Variants in NRIP1 observed in about 807,000 individuals in gnomAD.
NRIP1 encodes nuclear receptor-interacting protein 1.
Under a neutral mutation model 75.0 loss-of-function variants are expected in NRIP1, and 28 were observed. The observed-to-expected ratio is 0.37, with a 90% CI of 0.28 to 0.51. NRIP1 has a LOEUF of 0.51. Ranked by LOEUF, NRIP1 falls within the 20% of genes least tolerant of loss-of-function variation. The pLI is 0.92. For missense variants in NRIP1, 1,435 were observed against 1,343.7 expected (o/e 1.07, Z -1.06); for synonymous variants, 526 against 487.6 (o/e 1.08, Z -1.04).
At chr21:14,985,935 A>T (rs1000259850) in intron 3 of NRIP1, among the ~76,000 whole-genome samples, 22 of 152,238 alleles carry the variant, frequency 1.4e-4, no homozygotes, top group Non-Finnish European at 2.6e-4. Context: ...CTAAAACCAG[A>T]CATTCATTCT....
At chr21:15,011,315 G>C (rs979455151) in intron 3 of NRIP1, among the ~76,000 whole-genome samples, 1 of 151,874 alleles carries the variant, frequency 6.6e-6, no homozygotes, top group South Asian at 2.1e-4. Context: ...TCAGCCTCCC[G>C]AGTAGCTGGG....
intron 1 of NRIP1, among the ~76,000 whole-genome samples, chr21:15,054,873 C>T (rs908537931): frequency 2.6e-5 from 4 of 152,140 alleles, no homozygotes; most frequent in African/African-American, 9.7e-5. Context: ...ACAATCAGGG[C>T]GTACACAAAA....
At position 14,963,291 on chromosome 21, in the gene NRIP1, C is replaced by T. The variant is rs2086637610; in HGVS notation, c.*1425G>A. 1 of 152,450 alleles carries T rather than the reference C, an allele frequency of 6.6e-6. No individual in the cohort carries two copies. Among genetic ancestry groups the T allele is most frequent in the Admixed American group, 6.6e-5 (1 of 15,250 alleles). 9.4% of individuals were successfully genotyped at this position (152,450 alleles called of 1,614,324 possible). ...TTAAGGATGCATTCAGGAGAAGTTT[C>T]CAAACCATCCTGGAATCACCTGAGT... On this transcript the variant is annotated 3_prime_UTR_variant, in exon 4 of 4. Transcript: ENST00000318948.
intron 1 of NRIP1, among the ~76,000 whole-genome samples, chr21:15,047,840 G>C (rs774244159): frequency 4.6e-5 from 7 of 152,328 alleles, no homozygotes; most frequent in Admixed American, 3.9e-4. Context: ...TGGCACAAGA[G>C]GCCTAGCTTT....
At chr21:14,999,240 C>A (rs1014083758) in intron 3 of NRIP1, among the ~76,000 whole-genome samples, 6 of 152,110 alleles carry the variant, frequency 3.9e-5, no homozygotes, top group African/African-American at 1.4e-4. Flanking sequence ...GCCTCCCAAA[C>A]TGCTGGGCTT....
intron 3 of NRIP1, among the ~76,000 whole-genome samples, chr21:14,972,040 G>C (rs1333204066): frequency 5.9e-5 from 9 of 152,150 alleles, no homozygotes; most frequent in Non-Finnish European, 1.3e-4. Flanking sequence ...GTAAATCAAA[G>C]ATTGTGGTCA....
chr21:14,972,231 T>C (rs1333046584), intron 3 of NRIP1, among the ~76,000 whole-genome samples: 2 of 152,196 alleles, frequency 1.3e-5, no homozygotes, highest in Non-Finnish European at 2.9e-5. Context: ...GATATCTTCC[T>C]TTTCTATCTC....
chr21:14,973,678 A>ATTTT (rs11293384), intron 3 of NRIP1, among the ~76,000 whole-genome samples: 1 of 142,068 alleles, frequency 7.0e-6, no homozygotes, highest in Non-Finnish European at 1.5e-5. Flanking sequence ...AGCTCGCATA[A>ATTTT]TTTTTTTTTT....
At chr21:15,005,927 A>G (rs2087960651) in intron 3 of NRIP1, among the ~76,000 whole-genome samples, 1 of 152,210 alleles carries the variant, frequency 6.6e-6, no homozygotes, top group East Asian at 1.9e-4. Context: ...AGTGAATGTA[A>G]AACTTAAAGC....
intron 2 of NRIP1, among the ~76,000 whole-genome samples, chr21:15,031,552 C>T (rs1413887028): frequency 6.9e-6 from 1 of 145,768 alleles, no homozygotes; most frequent in African/African-American, 2.6e-5. Flanking sequence ...TGGAGGTTCA[C>T]CACATTCCCT....
chr21:14,987,441 AC>A (rs1458996951), intron 3 of NRIP1, among the ~76,000 whole-genome samples: 1 of 152,164 alleles, frequency 6.6e-6, no homozygotes, highest in South Asian at 2.1e-4. Flanking sequence ...TACCTTTCAA[AC>A]ATTAGAAACC....
At chr21:15,017,219 ATCAT>A (rs2088256032) in intron 2 of NRIP1, among the ~76,000 whole-genome samples, 2 of 152,082 alleles carry the variant, frequency 1.3e-5, no homozygotes, top group South Asian at 4.1e-4. Context: ...CATTACTATT[ATCAT>A]TATTATTTTT....
chr21:14,989,357 A>AAAGTAG (rs2087504231), intron 3 of NRIP1, among the ~76,000 whole-genome samples: 1 of 152,154 alleles, frequency 6.6e-6, no homozygotes, highest in Non-Finnish European at 1.5e-5. Flanking sequence ...ACAGAATTTC[A>AAAGTAG]TATTTCTTAT....
chr21:15,033,474 T>G (rs180785475), intron 2 of NRIP1, among the ~76,000 whole-genome samples: 35 of 152,284 alleles, frequency 2.3e-4, no homozygotes, highest in African/African-American at 7.5e-4. Context: ...ACAGCCTGTG[T>G]CAACTTCAAT....
chr21:14,971,741 C>G (rs1457641807), intron 3 of NRIP1, among the ~76,000 whole-genome samples: 2 of 151,974 alleles, frequency 1.3e-5, no homozygotes, highest in East Asian at 1.9e-4. Flanking sequence ...TAAATGAAAA[C>G]TATAAAACAA....
At chr21:15,009,321 A>G (rs1465267711) in intron 3 of NRIP1, among the ~76,000 whole-genome samples, 2 of 152,170 alleles carry the variant, frequency 1.3e-5, no homozygotes, top group Non-Finnish European at 2.9e-5. Flanking sequence ...AAATATTTAT[A>G]AAGAAGCTGC....
In NRIP1 at chr21:14,966,115, C is replaced by T. The variant is rs1325840302; in HGVS notation, c.2078G>A (p.Gly693Asp). The T allele has an allele frequency of 1.2e-6, 2 of 1,612,336 alleles. No individual in the cohort carries two copies. Among genetic ancestry groups the T allele is most frequent in the Admixed American group, 3.3e-5 (2 of 59,934 alleles). Reference sequence around the variant, plus strand: ...AGAACCAGAAAGCCCTGGTTCAGGACCTGTTGGTTGACTACTAAATGCTTT... The same window carrying T: ...AGAACCAGAAAGCCCTGGTTCAGGATCTGTTGGTTGACTACTAAATGCTTT... ...ENKAFSSQPTGPEPGLSGSEI... is the reference protein window; with the variant it reads ...ENKAFSSQPTDPEPGLSGSEI... Residue 693 changes from glycine to aspartate, a missense_variant, in exon 4 of 4, where the codon GGT (glycine) becomes GAT (aspartate). Coordinates refer to ENST00000318948, the MANE Select transcript of NRIP1 (RefSeq NM_003489.4).
intron 1 of NRIP1, among the ~76,000 whole-genome samples, chr21:15,056,147 G>A (rs2089301147): frequency 6.6e-6 from 1 of 152,052 alleles, no homozygotes; most frequent in Admixed American, 6.6e-5. Context: ...GATAAATGGG[G>A]GGAGGACAAG....
chr21:14,968,376 T>C lies in NRIP1; in HGVS notation c.-184A>G. The C allele has an allele frequency of 3.3e-6, 2 of 597,980 alleles. No homozygotes were observed. Among genetic ancestry groups the C allele is most frequent in the Non-Finnish European group, 6.0e-6 (2 of 330,724 alleles). 37.0% of individuals were successfully genotyped at this position (597,980 alleles called of 1,614,324 possible). ...TGGCAATGACAAGATAAATGCAGTC[T>C]GACCACAGTGCTGATCAACTTCTAC... On this transcript the variant is annotated 5_prime_UTR_variant, in exon 4 of 4. Coordinates refer to ENST00000318948, the MANE Select transcript of NRIP1 (RefSeq NM_003489.4).
Sources: allele counts gnomAD v4.1 joint callset (sites outside exome capture counted in the v4.1 genomes callset), GRCh38; gene constraint gnomAD v4.1.1; transcripts MANE v1.5; gene names NCBI Gene and HGNC (gene_info 2026-07-23, HGNC 2026-07-21).